Variants in EXOC2 observed in about 807,000 individuals in gnomAD.
EXOC2 encodes the protein SEC5-like 1.
In EXOC2, 70 loss-of-function variants were observed where a neutral mutation model predicts 131.8. That is an observed-to-expected ratio of 0.53 (90% CI 0.44 to 0.65). EXOC2 has a LOEUF of 0.65. Among genes scored for constraint, EXOC2 ranks in the 30% least tolerant of loss-of-function variants. EXOC2 has a pLI of 0.00. For synonymous variants in EXOC2, 411 were observed against 398.4 expected (o/e 1.03, Z -0.38); for missense variants, 923 against 1,108.6 (o/e 0.83, Z 2.38).
intron 1 of EXOC2, among the ~76,000 whole-genome samples, chr6:646,423 T>G (rs536785091): frequency 5.9e-5 from 9 of 152,310 alleles, no homozygotes; most frequent in African/African-American, 2.2e-4. Flanking sequence ...ATGAAGGAAG[T>G]AAGTAAGGGG....
intron 22 of EXOC2, among the ~76,000 whole-genome samples, chr6:546,989 G>C (rs78220744): frequency 6.6e-6 from 1 of 152,154 alleles, no homozygotes; most frequent in Admixed American, 6.5e-5. Context: ...AAAGCATTCC[G>C]GATTTAGAAT....
At chr6:579,684 TAGAA>T (rs1209529901) in intron 11 of EXOC2, among the ~76,000 whole-genome samples, 2 of 152,186 alleles carry the variant, frequency 1.3e-5, no homozygotes, top group African/African-American at 4.8e-5. Flanking sequence ...TATAGAGAAT[TAGAA>T]AGCTTATGTT....
At position 485,326 on chromosome 6, in the gene EXOC2, A is replaced by T. The variant is rs1156723993; in HGVS notation, c.*1345T>A. On this transcript the variant is annotated 3_prime_UTR_variant, in exon 28 of 28. Transcript: ENST00000230449. ...TATCAAGCACATTTGTGAAAGATTAAACTTTCATTTCCAGTTACCATGATG... is the reference window on the plus strand; with the variant it reads ...TATCAAGCACATTTGTGAAAGATTATACTTTCATTTCCAGTTACCATGATG... The T allele has an allele frequency of 1.3e-5, 2 of 152,232 alleles. No individual in the cohort carries two copies. Among genetic ancestry groups the T allele is most frequent in the African/African-American group, 4.8e-5 (2 of 41,442 alleles). 9.4% of individuals were successfully genotyped at this position (152,232 alleles called of 1,614,324 possible).
intron 1 of EXOC2, chr6:689,149 G>A (rs755473594): frequency 3.3e-5 from 5 of 152,150 alleles, no homozygotes; most frequent in Non-Finnish European, 7.3e-5. Flanking sequence ...CTTCTCCTAA[G>A]CTGAAATCCA....
chr6:510,002 T>C (rs1764754893), intron 23 of EXOC2, among the ~76,000 whole-genome samples: 1 of 152,098 alleles, frequency 6.6e-6, no homozygotes, highest in South Asian at 2.1e-4. Context: ...TTTTTTATTG[T>C]CAAACTGAAA....
intron 1 of EXOC2, among the ~76,000 whole-genome samples, chr6:646,179 A>G (rs528980199): frequency 1.3e-5 from 2 of 152,300 alleles, no homozygotes; most frequent in African/African-American, 4.8e-5. Flanking sequence ...ACAGTATGGT[A>G]CCAATATTTT....
chr6:641,156 T>C (rs1389838210), intron 1 of EXOC2, among the ~76,000 whole-genome samples: 2 of 151,992 alleles, frequency 1.3e-5, no homozygotes, highest in African/African-American at 2.4e-5. Flanking sequence ...GGAGTGACCA[T>C]CTTTTCTCTC....
intron 1 of EXOC2, among the ~76,000 whole-genome samples, chr6:663,568 A>G (rs929398410): frequency 1.3e-4 from 20 of 152,228 alleles, no homozygotes; most frequent in African/African-American, 4.3e-4. Context: ...ATCCAGCGAC[A>G]TATCAAAAAG....
At chr6:598,463 C>T (rs1395444887) in intron 9 of EXOC2, among the ~76,000 whole-genome samples, 1 of 152,184 alleles carries the variant, frequency 6.6e-6, no homozygotes, top group Non-Finnish European at 1.5e-5. Context: ...TGGCATTAGA[C>T]ATAACTTCAA....
rs138953154 is a variant in EXOC2 at position 578,580 on chromosome 6, T to C, written c.1193-1698A>G. On this transcript the variant is annotated intron_variant, in intron 11 of 27. Coordinates refer to ENST00000230449, the MANE Select transcript of EXOC2 (RefSeq NM_018303.6). The stretch of plus-strand genomic sequence containing the variant: ...TCTCTCTCCAGATCCCCACAAATTC[T>C]AGCTGGTAGGTCTTAGATAAATAGA... 6.8e-3 allele frequency among the ~76,000 whole-genome samples: 1,030 copies of C among 152,340 alleles called. 9 individuals carry two copies. Among genetic ancestry groups the C allele is most frequent in the Non-Finnish European group, 1.0e-2 (680 of 68,016 alleles).
At chr6:530,122 C>T (rs1220521930) in intron 23 of EXOC2, among the ~76,000 whole-genome samples, 1 of 152,136 alleles carries the variant, frequency 6.6e-6, no homozygotes, top group African/African-American at 2.4e-5. Flanking sequence ...TCCCATTCAG[C>T]AAATATGAAT....
chr6:566,869 T>C (rs1388647147), intron 13 of EXOC2, among the ~76,000 whole-genome samples: 1 of 152,178 alleles, frequency 6.6e-6, no homozygotes, highest in Non-Finnish European at 1.5e-5. Context: ...AATCTGAAGC[T>C]TCCTCCAAGC....
rs1292929410 is a variant in EXOC2 at position 506,390 on chromosome 6, G to C, written c.2381-6690C>G. On this transcript the variant is annotated intron_variant, in intron 23 of 27. Transcript: ENST00000230449. The surrounding 1 kb of genome is among the most constrained non-coding windows in gnomAD (Gnocchi z 4.4). ...AAATGTATGGTGCACACAGTATTAGGGAGGGATCATCAGTGTGGACAGTGT... is the reference window on the plus strand; with the variant it reads ...AAATGTATGGTGCACACAGTATTAGCGAGGGATCATCAGTGTGGACAGTGT... Among the ~76,000 whole-genome samples the C allele has an allele frequency of 6.6e-6, 1 of 152,128 alleles. No individual in the cohort carries two copies. The highest frequency in any genetic ancestry group is 1.9e-4 in the East Asian group (1 of 5,200).
chr6:655,874 T>C (rs1014164605), intron 1 of EXOC2: 2 of 395,038 alleles, frequency 5.1e-6, no homozygotes, highest in African/African-American at 2.0e-5. Flanking sequence ...AAGAATAACT[T>C]TGATAGAATC....
At chr6:688,911 G>T (rs1356663187) in intron 1 of EXOC2, among the ~76,000 whole-genome samples, 1 of 152,148 alleles carries the variant, frequency 6.6e-6, no homozygotes, top group East Asian at 1.9e-4. Context: ...ATAATACAAT[G>T]AAAGTTAAAT....
In EXOC2 at chr6:555,225, A is replaced by C; in HGVS notation, c.2054+2T>G. 6.8e-7 allele frequency: 1 copy of C among 1,465,506 alleles called. No homozygotes were observed. Among genetic ancestry groups the C allele is most frequent in the Non-Finnish European group, 9.2e-7 (1 of 1,087,902 alleles). 90.8% of individuals were successfully genotyped at this position (1,465,506 alleles called of 1,614,324 possible). A position where few individuals can be genotyped will look rare whatever the true frequency, so the allele number is the denominator to read the frequency against. On this transcript the variant is annotated splice_donor_variant, in intron 20 of 27. Coordinates refer to ENST00000230449, the MANE Select transcript of EXOC2 (RefSeq NM_018303.6). LOFTEE classifies it high-confidence loss of function. The stretch of plus-strand genomic sequence containing the variant: ...AATGAGATTAATTTAATTTTTACTT[A>C]CTGTGTAGTATCTATATCTGCATCA...
intron 1 of EXOC2, among the ~76,000 whole-genome samples, chr6:661,063 C>T (rs749654392): frequency 2.0e-5 from 3 of 152,082 alleles, no homozygotes; most frequent in South Asian, 4.2e-4. Flanking sequence ...ATTCAGAGCT[C>T]GAAGGTCTAC....
intron 6 of EXOC2, among the ~76,000 whole-genome samples, chr6:613,757 G>A (rs556096674): frequency 1.3e-5 from 2 of 152,214 alleles, no homozygotes; most frequent in African/African-American, 4.8e-5. Context: ...TATTTGGATA[G>A]CATCAGGAGA....
Position 566,885 on chromosome 6 carries a change from CTT to C in EXOC2, c.1444-1958_1444-1957del, listed in dbSNP as rs573532364. Among the ~76,000 whole-genome samples the C allele has an allele frequency of 3.1e-3, 465 of 152,306 alleles. 2 individuals carry two copies. The highest frequency in any genetic ancestry group is 0.011 in the African/African-American group (445 of 41,556). ...ATCTGAAGCTTCCTCCAAGCATGCT[CTT>C]TCTTAGGTCTTTCTGGCTTGGCATA... is the stretch of plus-strand genomic sequence containing the variant. On this transcript the variant is annotated intron_variant, in intron 13 of 27. Transcript: ENST00000230449.
Sources: allele counts gnomAD v4.1 joint callset (sites outside exome capture counted in the v4.1 genomes callset), GRCh38; gene constraint gnomAD v4.1.1; non-coding constraint Gnocchi (gnomAD v3.1); transcripts MANE v1.5; gene names NCBI Gene and HGNC (gene_info 2026-07-23, HGNC 2026-07-21).